CPLX2: variants seen among roughly 807,000 people sequenced by gnomAD.
CPLX2 encodes the protein complexin 2.
In CPLX2, 5 loss-of-function variants were observed where a neutral mutation model predicts 16.3. That is an observed-to-expected ratio of 0.31 (90% CI 0.16 to 0.64). The LOEUF (loss-of-function observed/expected upper bound fraction) is 0.64, where lower values mean the gene tolerates loss of function less well. CPLX2 is among the 30% of genes least tolerant of loss of function. The pLI is 0.79. For synonymous variants in CPLX2, 89 were observed against 73.2 expected, an observed-to-expected ratio of 1.22 and a Z score of -1.10; for missense variants, 144 against 181.4, an observed-to-expected ratio of 0.79 and a Z score of 1.18.
At chr5:175,848,872 C>A (rs1398402693) in intron 2 of CPLX2, among the ~76,000 whole-genome samples, 4 of 152,136 alleles carry the variant, frequency 2.6e-5, no homozygotes, top group East Asian at 1.9e-4. Context: ...GAGGCAGGAA[C>A]AAGCTTGGCA....
Position 175,853,814 on chromosome 5 carries a change from C to T in CPLX2, c.-88-24838C>T, listed in dbSNP as rs529079651. The stretch of plus-strand genomic sequence containing the variant: ...TGAGGGCCTTGAGCAAGCGGCTGCA[C>T]TTCCCTCCCCAGCTTCCCCCTCTGT... On this transcript the variant is annotated intron_variant, in intron 2 of 4. Coordinates refer to the CPLX2 transcript ENST00000359546. Among the ~76,000 whole-genome samples the T allele has an allele frequency of 1.4e-3, 218 of 152,288 alleles. 1 individual carries two copies. Among genetic ancestry groups the T allele is most frequent in the Admixed American group, 1.6e-3 (24 of 15,304 alleles).
chr5:175,806,154 C>T (rs1758195096), intron 1 of CPLX2, among the ~76,000 whole-genome samples: 2 of 152,024 alleles, frequency 1.3e-5, no homozygotes, highest in African/African-American at 4.8e-5. Context: ...AGCCCAAGCT[C>T]CTCTAAGGCC....
intron 2 of CPLX2, among the ~76,000 whole-genome samples, chr5:175,861,953 C>T (rs1759382109): frequency 6.6e-6 from 1 of 152,196 alleles, no homozygotes; most frequent in Non-Finnish European, 1.5e-5. Context: ...CATTAAACAG[C>T]CACTTCCTGA....
intron 2 of CPLX2, among the ~76,000 whole-genome samples, chr5:175,829,790 C>CAAAGT (rs1758697016): frequency 6.6e-6 from 1 of 152,232 alleles, no homozygotes; most frequent in Non-Finnish European, 1.5e-5. Flanking sequence ...TAGGAAGACA[C>CAAAGT]AAAGCCAGAG....
intron 2 of CPLX2, among the ~76,000 whole-genome samples, chr5:175,860,894 C>T (rs1294356855): frequency 6.6e-6 from 1 of 151,354 alleles, no homozygotes; most frequent in Non-Finnish European, 1.5e-5. Flanking sequence ...GTATTATGAC[C>T]ACAGCAAATT....
chr5:175,820,719 C>T lies in CPLX2; in HGVS notation c.-89+11651C>T, dbSNP rs543581708. ...CGCCCTGTCCTTCCACTCCTTAATC[C>T]GTGCTGCATTTCATGAGCATCTCCA... is the stretch of plus-strand genomic sequence containing the variant. On this transcript the variant is annotated intron_variant, in intron 2 of 4. Coordinates refer to the CPLX2 transcript ENST00000359546. Among the ~76,000 whole-genome samples the T allele has an allele frequency of 3.9e-5, 6 of 152,324 alleles. No homozygotes were observed. The East Asian group carries it at 9.6e-4, about 24-fold the overall frequency.
chr5:175,815,381 G>T (rs747983051), intron 2 of CPLX2, among the ~76,000 whole-genome samples: 1 of 152,150 alleles, frequency 6.6e-6, no homozygotes, highest in Non-Finnish European at 1.5e-5. Context: ...TTGGCGGAGA[G>T]CACATGCATG....
intron 2 of CPLX2, among the ~76,000 whole-genome samples, chr5:175,813,007 T>A (rs1013102479): frequency 2.0e-5 from 3 of 152,198 alleles, no homozygotes; most frequent in Non-Finnish European, 4.4e-5. Flanking sequence ...TTGGGGCAAG[T>A]GTCCCTTTGA....
chr5:175,867,746 C>T (rs549776531), upstream of CPLX2, among the ~76,000 whole-genome samples: 52 of 152,154 alleles, frequency 3.4e-4, no homozygotes, highest in African/African-American at 1.2e-3. Context: ...TGACACACAG[C>T]GCCTGTGTCA....
At chr5:175,846,874 C>T (rs1253479309) in intron 2 of CPLX2, among the ~76,000 whole-genome samples, 1 of 152,254 alleles carries the variant, frequency 6.6e-6, no homozygotes. Flanking sequence ...AGGCTAACTC[C>T]ATCCTGCAGG....
intron 2 of CPLX2, among the ~76,000 whole-genome samples, chr5:175,817,461 C>A (rs140194781): frequency 6.6e-6 from 1 of 152,182 alleles, no homozygotes; most frequent in South Asian, 2.1e-4. Context: ...TCCTTTTCCC[C>A]CACTGGGGTC....
At chr5:175,870,909 C>T (rs991481699), upstream of CPLX2, among the ~76,000 whole-genome samples, 1 of 152,154 alleles carries the variant, frequency 6.6e-6, no homozygotes, top group African/African-American at 2.4e-5. Context: ...TGCCCACACG[C>T]TCCATCAGTG....
chr5:175,860,012 T>C (rs1469566808), intron 2 of CPLX2, among the ~76,000 whole-genome samples: 1 of 152,186 alleles, frequency 6.6e-6, no homozygotes, highest in Admixed American at 6.5e-5. Flanking sequence ...AACTGAAAAG[T>C]GCATGAGCAG....
chr5:175,820,999 C>T (rs577989803), intron 2 of CPLX2, among the ~76,000 whole-genome samples: 1 of 152,284 alleles, frequency 6.6e-6, no homozygotes, highest in Non-Finnish European at 1.5e-5. Context: ...GGTTTGGGCT[C>T]TTCCTGGAGG....
chr5:175,855,540 C>G (rs1449964429), intron 2 of CPLX2, among the ~76,000 whole-genome samples: 3 of 141,540 alleles, frequency 2.1e-5, no homozygotes, highest in Non-Finnish European at 3.1e-5. Context: ...GGGCTTGATC[C>G]AGGAGCTCAA....
chr5:175,879,145 A>G lies in CPLX2; in HGVS notation c.207+62A>G, dbSNP rs527762149. On this transcript the variant is annotated intron_variant, in intron 3 of 3. Coordinates refer to ENST00000393745, the MANE Select transcript of CPLX2 (RefSeq NM_001008220.2). ...ACAAGCGGGTAAAACCGGTCCAGCT[A>G]AAGCCCCTGCTGGGGCTCCCCTGGA... 167 of 1,491,710 alleles carry G rather than the reference A, an allele frequency of 1.1e-4. No homozygotes were observed. The East Asian group carries it at 4.1e-3, about 36-fold the overall frequency. The allele number at this position is 1,491,710 out of a possible 1,614,324, so 92.4% of individuals were successfully genotyped here.
intron 2 of CPLX2, among the ~76,000 whole-genome samples, chr5:175,846,926 T>C (rs1175215402): frequency 6.6e-6 from 1 of 152,234 alleles, no homozygotes; most frequent in Non-Finnish European, 1.5e-5. Context: ...CAGGGGCAGT[T>C]AGACCAAGCT....
At chr5:175,870,545 A>T (rs1759567955), upstream of CPLX2, among the ~76,000 whole-genome samples, 1 of 152,144 alleles carries the variant, frequency 6.6e-6, no homozygotes, top group Non-Finnish European at 1.5e-5. Flanking sequence ...ATTTTCCTAC[A>T]CATCGGGCTG....
chr5:175,878,089 G>C (rs1352574019), intron 1 of CPLX2: 1 of 152,270 alleles, frequency 6.6e-6, no homozygotes, highest in Admixed American at 6.5e-5. Flanking sequence ...CAAAAGTCAG[G>C]ATCTGTTTAT....
Sources: gnomAD v4.1 joint callset for allele counts (sites outside exome capture counted in the v4.1 genomes callset) on GRCh38, gnomAD v4.1.1 for gene constraint, MANE v1.5 for transcripts, NCBI Gene and HGNC (gene_info 2026-07-23, HGNC 2026-07-21) for gene names.